ENTREP2: variants seen among roughly 807,000 people sequenced by gnomAD.
ENTREP2 encodes the protein endosomal transmembrane epsin interactor 2, also known as protein ENTREP2.
the ENTREP2 span, among the ~76,000 whole-genome samples, chr15:29,447,682 G>A: frequency 0.055 from 8,258 of 150,962 alleles, 293 homozygotes; most frequent in Non-Finnish European, 0.073. Context: ...AGAGATGGGG[G>A]TCTCGCCATG....
chr15:29,208,745 C>G, the ENTREP2 span, among the ~76,000 whole-genome samples: 4 of 152,302 alleles, frequency 2.6e-5, no homozygotes, highest in East Asian at 5.8e-4. Flanking sequence ...GATGGATGTT[C>G]ATCCAAAGCA....
At chr15:29,446,441 G>T in the ENTREP2 span, among the ~76,000 whole-genome samples, 16 of 152,208 alleles carry the variant, frequency 1.1e-4, no homozygotes, top group South Asian at 3.3e-3. Flanking sequence ...TTGCTGCCTG[G>T]AAGACAGACA....
At chr15:29,428,709 T>C in the ENTREP2 span, among the ~76,000 whole-genome samples, 1 of 152,280 alleles carries the variant, frequency 6.6e-6, no homozygotes, top group East Asian at 1.9e-4. Flanking sequence ...ACAGACTTCA[T>C]AATGCAGGGT....
the ENTREP2 span, among the ~76,000 whole-genome samples, chr15:29,488,184 G>A: frequency 6.6e-6 from 1 of 152,068 alleles, no homozygotes; most frequent in African/African-American, 2.4e-5. Context: ...AAGGAAATCA[G>A]GATAAGAATG....
chr15:29,345,742 G>A, the ENTREP2 span, among the ~76,000 whole-genome samples: 3 of 151,794 alleles, frequency 2.0e-5, no homozygotes, highest in Non-Finnish European at 2.9e-5. Context: ...CTGCTTCTGG[G>A]CTAAAAACAA....
the ENTREP2 span, chr15:29,151,678 T>G: frequency 7.3e-7 from 1 of 1,369,288 alleles, no homozygotes; most frequent in African/African-American, 1.4e-5. Context: ...GCCAGAAGCG[T>G]CCACTCCTAC....
chr15:29,363,233 T>G, the ENTREP2 span, among the ~76,000 whole-genome samples: 2 of 152,250 alleles, frequency 1.3e-5, no homozygotes, highest in South Asian at 4.1e-4. Context: ...ATTTTCCGAA[T>G]AAATAATGAC....
At chr15:29,209,390 T>A in the ENTREP2 span, among the ~76,000 whole-genome samples, 1 of 152,154 alleles carries the variant, frequency 6.6e-6, no homozygotes, top group East Asian at 1.9e-4. Context: ...TAATCCCAGC[T>A]ACTTGGGAGG....
At chr15:29,401,306 G>C in the ENTREP2 span, among the ~76,000 whole-genome samples, 1 of 152,076 alleles carries the variant, frequency 6.6e-6, no homozygotes, top group Admixed American at 6.6e-5. Context: ...AATTTACAAA[G>C]AGCTCGTATA....
chr15:29,181,487 T>C, the ENTREP2 span, among the ~76,000 whole-genome samples: 6 of 152,164 alleles, frequency 3.9e-5, no homozygotes, highest in South Asian at 4.1e-4. Flanking sequence ...ATTCATATAA[T>C]TTATGAATAA....
the ENTREP2 span, chr15:29,123,555 G>A: frequency 1.9e-6 from 3 of 1,551,796 alleles, no homozygotes; most frequent in Middle Eastern, 1.7e-4. Context: ...TCGCTGGGAA[G>A]GGCTCTGGTG....
chr15:29,642,801 A>T, the ENTREP2 span, among the ~76,000 whole-genome samples: 1 of 151,986 alleles, frequency 6.6e-6, no homozygotes, highest in Admixed American at 6.6e-5. Context: ...TTTAGTAGAG[A>T]TGGGATTTCA....
the ENTREP2 span, among the ~76,000 whole-genome samples, chr15:29,164,775 A>G: frequency 6.6e-6 from 1 of 152,198 alleles, no homozygotes; most frequent in Non-Finnish European, 1.5e-5. Flanking sequence ...AGTCATCAAG[A>G]CAGAAAGTCA....
chr15:29,124,754 G>A, the ENTREP2 span: 2 of 1,550,446 alleles, frequency 1.3e-6, no homozygotes, highest in Non-Finnish European at 1.7e-6. Flanking sequence ...TGTGTGAAGA[G>A]GCATCGCCTT....
At chr15:29,561,118 G>A in the ENTREP2 span, among the ~76,000 whole-genome samples, 3 of 71,668 alleles carry the variant, frequency 4.2e-5, no homozygotes, top group African/African-American at 5.9e-5. Flanking sequence ...GCAAAGATAC[G>A]GAGAAAGGGG....
the ENTREP2 span, among the ~76,000 whole-genome samples, chr15:29,657,109 G>T: frequency 1.3e-5 from 2 of 152,082 alleles, no homozygotes; most frequent in Non-Finnish European, 1.5e-5. Flanking sequence ...GGGCAGTGGC[G>T]CGGTCTTGGC....
the ENTREP2 span, among the ~76,000 whole-genome samples, chr15:29,475,284 C>T: frequency 6.6e-6 from 1 of 152,260 alleles, no homozygotes; most frequent in South Asian, 2.1e-4. Flanking sequence ...CATCTGCGCA[C>T]GCTCTTGGTG....
the ENTREP2 span, among the ~76,000 whole-genome samples, chr15:29,559,154 AG>A: frequency 6.6e-6 from 1 of 152,180 alleles, no homozygotes; most frequent in African/African-American, 2.4e-5. Context: ...AAACACTGTT[AG>A]AATCGCGTCT....
chr15:29,555,475 A>G, the ENTREP2 span, among the ~76,000 whole-genome samples: 3 of 152,242 alleles, frequency 2.0e-5, no homozygotes, highest in Admixed American at 1.3e-4. Flanking sequence ...ATAAAGCCCT[A>G]TAACAACAAA....
Sources: gnomAD v4.1 joint callset for allele counts (sites outside exome capture counted in the v4.1 genomes callset) on GRCh38, gnomAD v4.1.1 for gene constraint, MANE v1.5 for transcripts, NCBI Gene and HGNC (gene_info 2026-07-23, HGNC 2026-07-21) for gene names.